ADAMTS3: variants seen among roughly 807,000 people sequenced by gnomAD.
ADAMTS3 encodes A disintegrin and metalloproteinase with thrombospondin motifs 3.
Under a neutral mutation model 129.0 loss-of-function variants are expected in ADAMTS3, and 73 were observed. That is an observed-to-expected ratio of 0.57 (90% confidence interval 0.47 to 0.69). The LOEUF (loss-of-function observed/expected upper bound fraction) is 0.69. Among genes scored for constraint, ADAMTS3 ranks in the 30% least tolerant of loss-of-function variants. The pLI is 0.00. For synonymous variants in ADAMTS3, 477 were observed against 510.8 expected, an observed-to-expected ratio of 0.93 and a Z score of 0.89; for missense variants, 1,457 against 1,514.5, an observed-to-expected ratio of 0.96 and a Z score of 0.63.
At chr4:72,538,399 A>G (rs1190121016) in intron 3 of ADAMTS3, among the ~76,000 whole-genome samples, 1 of 152,158 alleles carries the variant, frequency 6.6e-6, no homozygotes, top group South Asian at 2.1e-4. Flanking sequence ...GAGAGAAGTG[A>G]TTCATCACAT....
At chr4:72,491,844 T>A (rs981467686) in intron 3 of ADAMTS3, among the ~76,000 whole-genome samples, 1 of 151,826 alleles carries the variant, frequency 6.6e-6, no homozygotes, top group Non-Finnish European at 1.5e-5. Flanking sequence ...GACAGATTCA[T>A]ATTAATTTCT....
intron 3 of ADAMTS3, among the ~76,000 whole-genome samples, chr4:72,490,442 C>A (rs536017247): frequency 2.2e-4 from 34 of 151,914 alleles, no homozygotes; most frequent in African/African-American, 8.0e-4. Context: ...TGTCATGAAG[C>A]TTTTTTCTTT....
intron 3 of ADAMTS3, among the ~76,000 whole-genome samples, chr4:72,445,644 T>C (rs1718231197): frequency 6.6e-6 from 1 of 151,710 alleles, no homozygotes; most frequent in Admixed American, 6.6e-5. Context: ...TAAACAAATG[T>C]ATATGTACAT....
At chr4:72,342,562 G>A (rs1381144380) in intron 4 of ADAMTS3, among the ~76,000 whole-genome samples, 3 of 151,680 alleles carry the variant, frequency 2.0e-5, no homozygotes, top group Admixed American at 6.6e-5. Flanking sequence ...TAGTAGAGAC[G>A]GGGTTTCACC....
At chr4:72,303,658 GT>G (rs2109787930) in intron 17 of ADAMTS3, among the ~76,000 whole-genome samples, 1 of 152,028 alleles carries the variant, frequency 6.6e-6, no homozygotes, top group South Asian at 2.1e-4. Flanking sequence ...TACTTTTAGT[GT>G]TGTCTTTAAA....
At chr4:72,530,289 T>A (rs1377419373) in intron 3 of ADAMTS3, among the ~76,000 whole-genome samples, 194 of 83,028 alleles carry the variant, frequency 2.3e-3, no homozygotes, top group African/African-American at 9.3e-3. Flanking sequence ...TATAATAACA[T>A]ATAATATATA....
At position 72,379,085 on chromosome 4, in the gene ADAMTS3, A is replaced by G. The variant is rs565995174; in HGVS notation, c.661+35730T>C. ...TTAGAGCATGTCTGTCTACCACTTC[A>G]CTGTCTTTTAGTTAAGTCCTCTAAC... On this transcript the variant is annotated intron_variant, in intron 4 of 21. Transcript: ENST00000286657. Among the ~76,000 whole-genome samples the G allele has an allele frequency of 1.5e-4, 23 of 152,182 alleles. 1 individual carries two copies. Among genetic ancestry groups the G allele is most frequent in the African/African-American group, 4.8e-4 (20 of 41,528 alleles).
At chr4:72,488,908 T>C (rs544765027) in intron 3 of ADAMTS3, among the ~76,000 whole-genome samples, 2 of 152,038 alleles carry the variant, frequency 1.3e-5, no homozygotes, top group South Asian at 2.1e-4. Flanking sequence ...CTATAAAGTT[T>C]GTATGCTTTG....
intron 8 of ADAMTS3, 41 bp downstream of exon 8, chr4:72,319,817 A>C (rs533634821): frequency 6.8e-7 from 1 of 1,474,814 alleles, no homozygotes; most frequent in South Asian, 1.1e-5. Flanking sequence ...CAGGAAAGAA[A>C]AGATCTTTTT....
chr4:72,543,450 T>C (rs534806491), intron 3 of ADAMTS3, among the ~76,000 whole-genome samples: 3 of 152,112 alleles, frequency 2.0e-5, no homozygotes, highest in Non-Finnish European at 4.4e-5. Context: ...GTATCTAAAA[T>C]GTGGAAGCAA....
At chr4:72,563,959 C>T (rs1721964917) in intron 2 of ADAMTS3, among the ~76,000 whole-genome samples, 1 of 152,146 alleles carries the variant, frequency 6.6e-6, no homozygotes, top group Non-Finnish European at 1.5e-5. Flanking sequence ...AGGTAAGTGA[C>T]TCACACTAAA....
At chr4:72,439,070 T>C (rs866224014) in intron 3 of ADAMTS3, among the ~76,000 whole-genome samples, 1 of 151,678 alleles carries the variant, frequency 6.6e-6, no homozygotes, top group African/African-American at 2.4e-5. Flanking sequence ...ATACTCAAAG[T>C]AGAGGTTTGA....
intron 4 of ADAMTS3, among the ~76,000 whole-genome samples, chr4:72,391,615 C>A (rs182629910): frequency 1.3e-5 from 2 of 152,182 alleles, no homozygotes; most frequent in African/African-American, 2.4e-5. Context: ...ACTTTACTTG[C>A]GCCATTTGAA....
At chr4:72,315,623 C>T (rs1353003038) in intron 11 of ADAMTS3, among the ~76,000 whole-genome samples, 1 of 152,084 alleles carries the variant, frequency 6.6e-6, no homozygotes, top group East Asian at 1.9e-4. Flanking sequence ...CTTCTGGCCT[C>T]TAGAACTGTG....
At chr4:72,333,701 T>C (rs1162331881) in intron 5 of ADAMTS3, among the ~76,000 whole-genome samples, 1 of 152,072 alleles carries the variant, frequency 6.6e-6, no homozygotes, top group Admixed American at 6.6e-5. Context: ...CACACTAAAT[T>C]TGAGCCACAA....
chr4:72,454,023 C>T (rs1718478724), intron 3 of ADAMTS3, among the ~76,000 whole-genome samples: 1 of 151,174 alleles, frequency 6.6e-6, no homozygotes, highest in Admixed American at 6.6e-5. Flanking sequence ...AAAGCAAATT[C>T]ACACACTTCT....
At chr4:72,496,425 A>AT (rs886846016) in intron 3 of ADAMTS3, among the ~76,000 whole-genome samples, 16 of 152,066 alleles carry the variant, frequency 1.1e-4, no homozygotes, top group Admixed American at 9.8e-4. Flanking sequence ...TTCTTCTTTA[A>AT]TTTTTTAAAG....
rs143551005 is a variant in ADAMTS3 at position 72,436,319 on chromosome 4, C to T, written c.505-21348G>A. Reference sequence around the variant, plus strand: ...AACCATAATGAGATACCATCTCACGCCAGTTAGAATGGCAATCATCAAAAA... The same window carrying T: ...AACCATAATGAGATACCATCTCACGTCAGTTAGAATGGCAATCATCAAAAA... On this transcript the variant is annotated intron_variant, in intron 3 of 21. Coordinates refer to ENST00000286657, the MANE Select transcript of ADAMTS3 (RefSeq NM_014243.3). Among the ~76,000 whole-genome samples the T allele has an allele frequency of 4.6e-3, 696 of 152,202 alleles. 4 individuals carry two copies. The highest frequency in any genetic ancestry group is 5.8e-3 in the Non-Finnish European group (394 of 68,014).
At chr4:72,430,062 A>C (rs1722660383) in intron 3 of ADAMTS3, among the ~76,000 whole-genome samples, 2 of 152,186 alleles carry the variant, frequency 1.3e-5, no homozygotes, top group South Asian at 4.1e-4. Context: ...TGTTGAAAAA[A>C]GAAAATCCCA....
Sources: gnomAD v4.1 joint callset for allele counts (sites outside exome capture counted in the v4.1 genomes callset) on GRCh38, gnomAD v4.1.1 for gene constraint, MANE v1.5 for transcripts, NCBI Gene and HGNC (gene_info 2026-07-23, HGNC 2026-07-21) for gene names.